RAP1A: variants seen among roughly 807,000 people sequenced by gnomAD.
The protein encoded by RAP1A is ras-related protein Rap-1A.
RAP1A carries 6 observed loss-of-function variants against 26.4 expected under a neutral mutation model. The observed-to-expected ratio is 0.23, with a 90% CI of 0.12 to 0.45. The LOEUF (loss-of-function observed/expected upper bound fraction) is 0.45, where lower values mean the gene tolerates loss of function less well. Ranked by LOEUF, RAP1A falls within the 20% of genes least tolerant of loss-of-function variation. RAP1A has a pLI of 0.99. For synonymous variants in RAP1A, 73 were observed against 79.4 expected, an observed-to-expected ratio of 0.92 and a Z score of 0.43; for missense variants, 121 against 217.2, an observed-to-expected ratio of 0.56 and a Z score of 2.78.
chr1:111,626,400 CAT>C (rs759114265), intron 1 of RAP1A, among the ~76,000 whole-genome samples: 2,453 of 138,328 alleles, frequency 0.018, 26 homozygotes, highest in African/African-American at 0.042. Context: ...CACACACACA[CAT>C]ATGCATGTAT....
chr1:111,564,852 G>T (rs914547469), intron 1 of RAP1A, among the ~76,000 whole-genome samples: 2 of 151,976 alleles, frequency 1.3e-5, no homozygotes, highest in African/African-American at 4.8e-5. Flanking sequence ...TTACTTAGGT[G>T]AATGCATCAC....
At chr1:111,635,925 A>G (rs781409196) in intron 1 of RAP1A, among the ~76,000 whole-genome samples, 81 of 152,084 alleles carry the variant, frequency 5.3e-4, no homozygotes, top group Non-Finnish European at 8.4e-4. Flanking sequence ...GACTGGAACA[A>G]TATCTTATGC....
At chr1:111,701,380 C>G (rs896700198) in intron 4 of RAP1A, among the ~76,000 whole-genome samples, 3 of 152,176 alleles carry the variant, frequency 2.0e-5, no homozygotes, top group African/African-American at 7.2e-5. Context: ...ACCCGTGAGG[C>G]CTTCCCTGAG....
intron 6 of RAP1A, 147 bp from the exon 7 acceptor site, chr1:111,709,002 G>A (rs890965572): frequency 6.6e-6 from 7 of 1,056,148 alleles, no homozygotes; most frequent in Non-Finnish European, 8.9e-6. Context: ...CTGATTGAAA[G>A]TCAGCAGAGC....
intron 1 of RAP1A, among the ~76,000 whole-genome samples, chr1:111,585,230 T>C (rs1378315682): frequency 6.6e-6 from 1 of 152,220 alleles, no homozygotes; most frequent in African/African-American, 2.4e-5. Context: ...TTTGTTTTTT[T>C]AGGTATTGAA....
chr1:111,642,513 G>A (rs1259676530), intron 1 of RAP1A, among the ~76,000 whole-genome samples: 4 of 146,674 alleles, frequency 2.7e-5, no homozygotes, highest in African/African-American at 7.6e-5. Flanking sequence ...TTTTTGAGAC[G>A]GTGTCTCACT....
intron 1 of RAP1A, among the ~76,000 whole-genome samples, chr1:111,684,300 C>T (rs1398508556): frequency 1.3e-5 from 2 of 152,086 alleles, no homozygotes; most frequent in East Asian, 1.9e-4. Flanking sequence ...CTGGCCAAGG[C>T]AGTCAGGCAA....
intron 1 of RAP1A, among the ~76,000 whole-genome samples, chr1:111,645,967 GGGTT>G (rs1660052442): frequency 6.6e-6 from 1 of 152,172 alleles, no homozygotes; most frequent in Non-Finnish European, 1.5e-5. Context: ...CTGTGCTGTG[GGGTT>G]TTCCTCAGAT....
At chr1:111,573,393 G>A (rs11102308) in intron 1 of RAP1A, among the ~76,000 whole-genome samples, 84,951 of 151,936 alleles carry the variant, frequency 0.56, 24,154 homozygotes, top group Non-Finnish European at 0.6. Context: ...AACCTCACCA[G>A]CATCTGTTAT....
chr1:111,647,800 GCTAGGATTACTGACATGA>G (rs1255616893), intron 1 of RAP1A, among the ~76,000 whole-genome samples: 1 of 151,586 alleles, frequency 6.6e-6, no homozygotes, highest in Non-Finnish European at 1.5e-5. Context: ...CTCTCAAAGT[GCTAGGATTACTGACATGA>G]GCCAGTGTGC....
chr1:111,581,196 G>C (rs983275386), intron 1 of RAP1A, among the ~76,000 whole-genome samples: 2 of 151,782 alleles, frequency 1.3e-5, no homozygotes, highest in Non-Finnish European at 2.9e-5. Context: ...ACTATGATGG[G>C]AGACGGTTTT....
intron 1 of RAP1A, among the ~76,000 whole-genome samples, chr1:111,576,147 A>G (rs920235816): frequency 3.3e-5 from 5 of 152,182 alleles, no homozygotes; most frequent in Non-Finnish European, 7.3e-5. Context: ...AGAACGTGTT[A>G]AAATGCAAAT....
At chr1:111,682,080 T>C (rs1661314219) in intron 1 of RAP1A, among the ~76,000 whole-genome samples, 2 of 152,174 alleles carry the variant, frequency 1.3e-5, no homozygotes, top group African/African-American at 4.8e-5. Flanking sequence ...CAGAATTTCA[T>C]ATCCAGCCAA....
chr1:111,654,935 G>A (rs1300207484), intron 1 of RAP1A, among the ~76,000 whole-genome samples: 1 of 151,818 alleles, frequency 6.6e-6, no homozygotes, highest in Non-Finnish European at 1.5e-5. Flanking sequence ...TTTGGAGGTT[G>A]AGGTGGGAGG....
intron 1 of RAP1A, among the ~76,000 whole-genome samples, chr1:111,685,507 A>G (rs568447828): frequency 6.6e-6 from 1 of 152,362 alleles, no homozygotes; most frequent in East Asian, 1.9e-4. Context: ...TATGCAGCCA[A>G]CAAACATATG....
chr1:111,699,459 T>G (rs1661945151), intron 4 of RAP1A, among the ~76,000 whole-genome samples: 1 of 106,810 alleles, frequency 9.4e-6, no homozygotes, highest in African/African-American at 3.6e-5. Flanking sequence ...CCATCTCACT[T>G]CCTCTTTTTT....
At chr1:111,572,427 C>A (rs564478089) in intron 1 of RAP1A, among the ~76,000 whole-genome samples, 2 of 152,346 alleles carry the variant, frequency 1.3e-5, no homozygotes, top group East Asian at 3.9e-4. Context: ...TCATCTTGTT[C>A]ATTTACAGCG....
chr1:111,684,081 T>G (rs1206668069), intron 1 of RAP1A, among the ~76,000 whole-genome samples: 1 of 152,192 alleles, frequency 6.6e-6, no homozygotes, highest in Non-Finnish European at 1.5e-5. Context: ...TCTCAATAGA[T>G]GTGGAAAAGG....
At chr1:111,644,127 A>G (rs1295911666) in intron 1 of RAP1A, among the ~76,000 whole-genome samples, 1 of 152,214 alleles carries the variant, frequency 6.6e-6, no homozygotes, top group East Asian at 1.9e-4. Flanking sequence ...ATCTGTTTGA[A>G]TAACTGGGTA....
Sources: gnomAD v4.1 joint callset for allele counts (sites outside exome capture counted in the v4.1 genomes callset) on GRCh38, gnomAD v4.1.1 for gene constraint, MANE v1.5 for transcripts, NCBI Gene and HGNC (gene_info 2026-07-23, HGNC 2026-07-21) for gene names.